The following HIBCH variants were observed in gnomAD, a reference collection of about 807,000 sequenced individuals.
HIBCH encodes the protein 3-hydroxyisobutyryl-CoA hydrolase, mitochondrial.
Under a neutral mutation model 58.2 loss-of-function variants are expected in HIBCH, and 50 were observed. That is an observed-to-expected ratio of 0.86 (90% confidence interval 0.68 to 1.09). HIBCH has a LOEUF of 1.09. Among genes scored for constraint, HIBCH ranks in the 50% least tolerant of loss-of-function variants. The pLI is 0.00. For synonymous variants in HIBCH, 151 were observed against 146.9 expected (o/e 1.03, Z -0.20); for missense variants, 450 against 449.7 (o/e 1.00, Z -0.01).
At chr2:190,249,345 T>C (rs1003234439) in intron 9 of HIBCH, among the ~76,000 whole-genome samples, 6 of 152,206 alleles carry the variant, frequency 3.9e-5, no homozygotes, top group African/African-American at 1.4e-4. Context: ...GTGTTAACAT[T>C]GAACACCGTT....
At chr2:190,299,374 A>C (rs1216894028) in intron 2 of HIBCH, among the ~76,000 whole-genome samples, 1 of 152,216 alleles carries the variant, frequency 6.6e-6, no homozygotes, top group Admixed American at 6.5e-5. Flanking sequence ...ACAATTCTTA[A>C]ACAACAGAAA....
intron 1 of HIBCH, among the ~76,000 whole-genome samples, chr2:190,193,953 C>T (rs1238430678): frequency 1.3e-5 from 2 of 152,128 alleles, no homozygotes; most frequent in African/African-American, 2.4e-5. Flanking sequence ...AGCTCTAAAA[C>T]TAATGCATTT....
intron 6 of HIBCH, among the ~76,000 whole-genome samples, chr2:190,283,689 C>A (rs533937290): frequency 3.9e-5 from 6 of 152,240 alleles, no homozygotes; most frequent in African/African-American, 1.4e-4. Context: ...GAGGGAAGAA[C>A]TTCAGTCTTT....
At chr2:190,198,695 T>C (rs926519067) in intron 1 of HIBCH, among the ~76,000 whole-genome samples, 4 of 146,266 alleles carry the variant, frequency 2.7e-5, no homozygotes, top group African/African-American at 7.8e-5. Flanking sequence ...TTTAGAGCTA[T>C]GTTTTTAGTC....
chr2:190,221,613 G>A (rs540348698), intron 11 of HIBCH, among the ~76,000 whole-genome samples: 3 of 152,106 alleles, frequency 2.0e-5, no homozygotes, highest in East Asian at 3.9e-4. Context: ...GTGAAACCAC[G>A]GTCCAAAGTG....
At chr2:190,200,130 T>C (rs918256136), downstream of HIBCH, 5 of 1,613,784 alleles carry the variant, frequency 3.1e-6, no homozygotes, top group Non-Finnish European at 4.2e-6. Flanking sequence ...TTCCATACAT[T>C]GAGAGTGAGG....
chr2:190,307,070 T>G (rs1688431954), intron 2 of HIBCH, among the ~76,000 whole-genome samples: 1 of 152,196 alleles, frequency 6.6e-6, no homozygotes, highest in South Asian at 2.1e-4. Context: ...GCAGCTCAAA[T>G]GGACTAAAAC....
At chr2:190,266,140 T>A (rs1485318871) in intron 6 of HIBCH, among the ~76,000 whole-genome samples, 2 of 152,204 alleles carry the variant, frequency 1.3e-5, no homozygotes, top group Admixed American at 1.3e-4. Context: ...GTAAGATTAA[T>A]CCTTTAAAAT....
intron 11 of HIBCH, among the ~76,000 whole-genome samples, chr2:190,219,614 G>A (rs992415531): frequency 3.9e-5 from 6 of 152,184 alleles, no homozygotes; most frequent in Admixed American, 2.6e-4. Context: ...GCAGTGCATT[G>A]TGGGCTGCAA....
intron 11 of HIBCH, among the ~76,000 whole-genome samples, chr2:190,239,862 C>T (rs1030983053): frequency 5.3e-5 from 8 of 152,044 alleles, no homozygotes; most frequent in Non-Finnish European, 8.8e-5. Context: ...GCTAGCCAGG[C>T]GGGTCTCGAA....
chr2:190,286,305 T>C (rs894626949), intron 6 of HIBCH, among the ~76,000 whole-genome samples: 1 of 152,252 alleles, frequency 6.6e-6, no homozygotes, highest in Non-Finnish European at 1.5e-5. Context: ...TACTTCTATA[T>C]GACTGTCCAT....
At chr2:190,224,196 G>A (rs921141015) in intron 11 of HIBCH, among the ~76,000 whole-genome samples, 2 of 152,222 alleles carry the variant, frequency 1.3e-5, no homozygotes, top group Admixed American at 6.5e-5. Context: ...AGGAGGCAGC[G>A]AGGCTGGGGA....
intron 5 of HIBCH, among the ~76,000 whole-genome samples, chr2:190,289,193 A>G (rs1687904180): frequency 6.6e-6 from 1 of 152,150 alleles, no homozygotes; most frequent in East Asian, 1.9e-4. Flanking sequence ...AAATGAGTAT[A>G]CAGCTTTTTT....
intron 6 of HIBCH, among the ~76,000 whole-genome samples, chr2:190,264,488 T>C (rs1464724531): frequency 6.6e-6 from 1 of 152,172 alleles, no homozygotes; most frequent in Non-Finnish European, 1.5e-5. Flanking sequence ...GTAGCTACTA[T>C]CTTGACCTCT....
chr2:190,244,160 C>T (rs975865014), intron 11 of HIBCH, among the ~76,000 whole-genome samples: 3 of 151,518 alleles, frequency 2.0e-5, no homozygotes, highest in South Asian at 2.1e-4. Flanking sequence ...CACACACACA[C>T]ATATATATAC....
chr2:190,277,044 T>G (rs1687570878), intron 6 of HIBCH, among the ~76,000 whole-genome samples: 1 of 152,158 alleles, frequency 6.6e-6, no homozygotes, highest in East Asian at 1.9e-4. Context: ...TCATATTAAC[T>G]TAAGAAAATG....
chr2:190,238,155 A>C (rs1186981907), intron 11 of HIBCH, among the ~76,000 whole-genome samples: 1 of 152,204 alleles, frequency 6.6e-6, no homozygotes, highest in Non-Finnish European at 1.5e-5. Context: ...TCTTTACAGT[A>C]GAATGATTTA....
At position 190,260,438 on chromosome 2, in the gene HIBCH, G is replaced by C. The variant is rs570355928; in HGVS notation, c.517+718C>G. ...TATATCTTGCCCACAGGTCTGAAAAGACTCGATAGTGTTAAGATGTCAATT... is the reference window on the plus strand; with the variant it reads ...TATATCTTGCCCACAGGTCTGAAAACACTCGATAGTGTTAAGATGTCAATT... On this transcript the variant is annotated intron_variant, in intron 7 of 13. Transcript: ENST00000359678. 3.3e-5 allele frequency: 5 copies of C among 152,298 alleles called. No homozygotes were observed. The South Asian group carries it at 1.0e-3, about 32-fold the overall frequency. 9.4% of individuals were successfully genotyped at this position (152,298 alleles called of 1,614,324 possible).
At chr2:190,226,210 G>T (rs1279659431) in intron 11 of HIBCH, among the ~76,000 whole-genome samples, 1 of 152,194 alleles carries the variant, frequency 6.6e-6, no homozygotes, top group African/African-American at 2.4e-5. Flanking sequence ...AGACAGGGAT[G>T]CCCTCTCTCA....
Sources: allele counts gnomAD v4.1 joint callset (sites outside exome capture counted in the v4.1 genomes callset), GRCh38; gene constraint gnomAD v4.1.1; transcripts MANE v1.5; gene names NCBI Gene and HGNC (gene_info 2026-07-23, HGNC 2026-07-21).